The following ROR1 variants were observed in gnomAD, a reference collection of about 807,000 sequenced individuals.
ROR1 encodes the protein ROR family WNT receptor 1.
ROR1 carries 19 observed loss-of-function variants against 78.8 expected under a neutral mutation model. That is an observed-to-expected ratio of 0.24 (90% confidence interval 0.17 to 0.35). The LOEUF (loss-of-function observed/expected upper bound fraction) is 0.35. Ranked by LOEUF, ROR1 falls within the 10% of genes least tolerant of loss-of-function variation. The probability of loss-of-function intolerance (pLI) is 1.00; values close to 1 mark genes in which losing one functional copy is unlikely to be tolerated. For missense variants in ROR1, 917 were observed against 1,177.8 expected (o/e 0.78, Z 3.24); for synonymous variants, 386 against 433.6 (o/e 0.89, Z 1.36).
At chr1:64,154,849 T>A (rs1420585885) in intron 7 of ROR1, among the ~76,000 whole-genome samples, 3 of 152,208 alleles carry the variant, frequency 2.0e-5, no homozygotes, top group Non-Finnish European at 4.4e-5. Flanking sequence ...TCCAGCCGAT[T>A]TTCTCTGTAA....
chr1:64,119,201 C>G (rs892186711), intron 4 of ROR1, among the ~76,000 whole-genome samples: 4 of 152,204 alleles, frequency 2.6e-5, no homozygotes, highest in African/African-American at 9.7e-5. Context: ...TGTTTATCCT[C>G]TGGGGGAATG....
At chr1:63,890,731 G>A (rs1300994747) in intron 1 of ROR1, among the ~76,000 whole-genome samples, 1 of 152,004 alleles carries the variant, frequency 6.6e-6, no homozygotes, top group Admixed American at 6.6e-5. Context: ...CATTCACAAA[G>A]GCATAAAAGT....
intron 1 of ROR1, among the ~76,000 whole-genome samples, chr1:63,867,248 T>G (rs1423215480): frequency 1.3e-5 from 2 of 152,204 alleles, no homozygotes; most frequent in Non-Finnish European, 2.9e-5. Flanking sequence ...AACAAATGAA[T>G]AAGACATTTG....
In ROR1 at chr1:64,070,042, TTCTG is replaced by T. The variant is rs1237777528; in HGVS notation, c.482+19330_482+19333del. The stretch of plus-strand genomic sequence containing the variant: ...AGCCCCTAGCAACCACTAATCTACT[TTCTG>T]TCTCTACGGTTTTGTCTACTCTGGA... On this transcript the variant is annotated intron_variant, in intron 4 of 8. Coordinates refer to ENST00000371079, the MANE Select transcript of ROR1 (RefSeq NM_005012.4). Among the ~76,000 whole-genome samples, 3 of 152,180 alleles carry T rather than the reference TTCTG, an allele frequency of 2.0e-5. No homozygotes were observed. In the East Asian group the frequency reaches 5.8e-4, roughly 29 times the overall value.
At chr1:63,896,097 T>A (rs1645437326) in intron 1 of ROR1, among the ~76,000 whole-genome samples, 1 of 152,162 alleles carries the variant, frequency 6.6e-6, no homozygotes, top group Admixed American at 6.5e-5. Context: ...TCATTCACAA[T>A]GTGCTTCCTC....
chr1:64,077,079 A>G (rs1647056215), intron 4 of ROR1, among the ~76,000 whole-genome samples: 1 of 152,230 alleles, frequency 6.6e-6, no homozygotes, highest in Non-Finnish European at 1.5e-5. Flanking sequence ...AAAAAGACAC[A>G]ATATGCAAAG....
intron 1 of ROR1, among the ~76,000 whole-genome samples, chr1:63,903,917 A>G (rs939414201): frequency 1.3e-5 from 2 of 152,188 alleles, no homozygotes; most frequent in Non-Finnish European, 2.9e-5. Context: ...CCAGTAAAAG[A>G]GGTAAAACCA....
At chr1:63,802,573 A>C (rs1157600921) in intron 1 of ROR1, among the ~76,000 whole-genome samples, 2 of 152,202 alleles carry the variant, frequency 1.3e-5, no homozygotes, top group Admixed American at 6.5e-5. Context: ...GGTGCGTTGG[A>C]AGCAGAGTTC....
At chr1:63,923,039 G>A (rs1645670043) in intron 1 of ROR1, among the ~76,000 whole-genome samples, 1 of 152,128 alleles carries the variant, frequency 6.6e-6, no homozygotes, top group East Asian at 1.9e-4. Flanking sequence ...GGGCCTCCTG[G>A]GTTGGCCCTG....
intron 1 of ROR1, among the ~76,000 whole-genome samples, chr1:63,943,701 G>A (rs1016790458): frequency 3.9e-5 from 6 of 152,170 alleles, no homozygotes; most frequent in African/African-American, 1.4e-4. Context: ...CCTTGACTTT[G>A]TCATTTGATT....
chr1:63,862,142 C>T (rs971528170), intron 1 of ROR1, among the ~76,000 whole-genome samples: 2 of 151,998 alleles, frequency 1.3e-5, no homozygotes, highest in Admixed American at 1.3e-4. Flanking sequence ...CCTGTAATCC[C>T]AGCACTTTGG....
intron 1 of ROR1, among the ~76,000 whole-genome samples, chr1:63,899,952 C>T (rs940346648): frequency 6.6e-6 from 1 of 151,952 alleles, no homozygotes; most frequent in African/African-American, 2.4e-5. Context: ...AGGCTTTTTA[C>T]TCCCCTTTCC....
intron 1 of ROR1, among the ~76,000 whole-genome samples, chr1:63,919,418 T>C (rs1645635737): frequency 1.3e-5 from 2 of 151,786 alleles, no homozygotes; most frequent in African/African-American, 4.8e-5. Flanking sequence ...GCCCAGAGAA[T>C]GTGTTTTATA....
intron 1 of ROR1, chr1:63,788,721 C>T (rs1347914521): frequency 2.6e-5 from 10 of 390,192 alleles, no homozygotes; most frequent in South Asian, 1.8e-4. Flanking sequence ...GTTTTTATTT[C>T]CTTGTCTCTT....
intron 1 of ROR1, among the ~76,000 whole-genome samples, chr1:63,832,739 T>C (rs940810333): frequency 6.6e-6 from 1 of 152,222 alleles, no homozygotes; most frequent in Non-Finnish European, 1.5e-5. Context: ...TTGAGAATAA[T>C]GCAAATTTTA....
At chr1:64,043,889 A>T (rs1646763640) in intron 2 of ROR1, among the ~76,000 whole-genome samples, 2 of 152,170 alleles carry the variant, frequency 1.3e-5, no homozygotes, top group South Asian at 2.1e-4. Flanking sequence ...TTTAAATTAA[A>T]GTGTGTAAGA....
chr1:64,059,695 C>T (rs934503090), intron 4 of ROR1, among the ~76,000 whole-genome samples: 10 of 132,526 alleles, frequency 7.5e-5, no homozygotes, highest in African/African-American at 2.0e-4. Context: ...GGTGACACAG[C>T]GAGACTCCAT....
chr1:63,777,289 C>T (rs1644623108), intron 1 of ROR1, among the ~76,000 whole-genome samples: 1 of 152,128 alleles, frequency 6.6e-6, no homozygotes. Context: ...GTAAACCTTC[C>T]GTTGCCATTT....
intron 1 of ROR1, among the ~76,000 whole-genome samples, chr1:63,950,877 A>G (rs1645929711): frequency 2.0e-5 from 3 of 152,224 alleles, no homozygotes; most frequent in Admixed American, 2.0e-4. Context: ...ATGACATTGA[A>G]ATTTCATCAA....
Sources: allele counts gnomAD v4.1 joint callset (sites outside exome capture counted in the v4.1 genomes callset), GRCh38; gene constraint gnomAD v4.1.1; transcripts MANE v1.5; gene names NCBI Gene and HGNC (gene_info 2026-07-23, HGNC 2026-07-21).